The following MDGA2 variants were observed in gnomAD, a reference collection of about 807,000 sequenced individuals.
MDGA2 encodes the protein MAM domain containing glycosylphosphatidylinositol anchor 2, also known as MAM domain-containing glycosylphosphatidylinositol anchor protein 2.
MDGA2 carries 40 observed loss-of-function variants against 117.8 expected under a neutral mutation model. The observed-to-expected ratio is 0.34, with a 90% CI of 0.26 to 0.44. MDGA2 has a LOEUF of 0.44. MDGA2 is among the 20% of genes least tolerant of loss of function. The pLI is 1.00. For missense variants in MDGA2, 1,123 were observed against 1,250.6 expected (o/e 0.90, Z 1.54); for synonymous variants, 452 against 439.0 (o/e 1.03, Z -0.37).
intron 2 of MDGA2, among the ~76,000 whole-genome samples, chr14:47,262,091 CA>C (rs1475109788): frequency 6.6e-6 from 1 of 152,126 alleles, no homozygotes; most frequent in Non-Finnish European, 1.5e-5. Context: ...ATTTCAACTA[CA>C]AAACCAGGCT....
chr14:47,104,062 G>A (rs1471783519), intron 5 of MDGA2, among the ~76,000 whole-genome samples: 1 of 152,176 alleles, frequency 6.6e-6, no homozygotes, highest in African/African-American at 2.4e-5. Context: ...CCTGTTCTCT[G>A]AAGTCATATG....
intron 2 of MDGA2, among the ~76,000 whole-genome samples, chr14:47,275,895 C>T (rs1447369877): frequency 6.6e-6 from 1 of 152,120 alleles, no homozygotes; most frequent in African/African-American, 2.4e-5. Flanking sequence ...TCCTGTTCTT[C>T]CCTGCATTAA....
In MDGA2 at chr14:46,840,094, C is replaced by A. The variant is rs1313187339; in HGVS notation, c.*1837G>T. On this transcript the variant is annotated 3_prime_UTR_variant, in exon 17 of 17. Coordinates refer to ENST00000399232, the MANE Select transcript of MDGA2 (RefSeq NM_001113498.3). ...ACAAACACACATACTGCTTGTCATA[C>A]CTTACCTGGAAAGAGGCTTTATTGA... The A allele has an allele frequency of 1.3e-5, 2 of 152,312 alleles. No individual in the cohort carries two copies. Among genetic ancestry groups the A allele is most frequent in the Admixed American group, 6.6e-5 (1 of 15,218 alleles). 9.4% of individuals were successfully genotyped at this position (152,312 alleles called of 1,614,324 possible).
At chr14:47,584,128 A>G (rs1312086651) in intron 1 of MDGA2, among the ~76,000 whole-genome samples, 1 of 151,858 alleles carries the variant, frequency 6.6e-6, no homozygotes, top group Non-Finnish European at 1.5e-5. Context: ...AAAACGCTTT[A>G]ATTTTTAATT....
chr14:46,932,429 A>G (rs1020900134), intron 9 of MDGA2, among the ~76,000 whole-genome samples: 5 of 152,132 alleles, frequency 3.3e-5, no homozygotes, highest in African/African-American at 1.2e-4. Context: ...ATAAAAATAT[A>G]TACTTGAAAA....
intron 8 of MDGA2, among the ~76,000 whole-genome samples, chr14:47,031,830 G>A (rs924239969): frequency 3.9e-5 from 6 of 152,270 alleles, no homozygotes; most frequent in African/African-American, 1.4e-4. Flanking sequence ...CTCTGGCCAT[G>A]TGATGTGCAA....
At chr14:47,090,385 A>C (rs1046139300) in intron 6 of MDGA2, among the ~76,000 whole-genome samples, 72 of 101,512 alleles carry the variant, frequency 7.1e-4, no homozygotes, top group Admixed American at 3.2e-3. Context: ...CCTATCCACA[A>C]AAAAAAAATG....
chr14:47,462,620 C>G (rs1221942887), intron 1 of MDGA2, among the ~76,000 whole-genome samples: 2 of 152,130 alleles, frequency 1.3e-5, no homozygotes, highest in African/African-American at 4.8e-5. Flanking sequence ...CAACTTCCAC[C>G]TAAGAGTCGC....
chr14:47,617,244 C>T lies in MDGA2; in HGVS notation c.280+57273G>A, dbSNP rs1299952818. On this transcript the variant is annotated intron_variant, in intron 1 of 16. Transcript: ENST00000399232. Reference sequence around the variant, plus strand: ...TTTTTGAGACGGAGGCTCGCTCTGTCGCCTAGGCTGGAGTGCAGTGGCCCA... The same window carrying T: ...TTTTTGAGACGGAGGCTCGCTCTGTTGCCTAGGCTGGAGTGCAGTGGCCCA... Among the ~76,000 whole-genome samples the T allele has an allele frequency of 4.0e-5, 6 of 150,484 alleles. No homozygotes were observed. The Middle Eastern group carries it at 0.017, about 435-fold the overall frequency.
At chr14:47,020,593 GA>G (rs11343050) in intron 8 of MDGA2, among the ~76,000 whole-genome samples, 47,519 of 151,914 alleles carry the variant, frequency 0.31, 8,290 homozygotes, top group East Asian at 0.59. Flanking sequence ...AGAGGAAAGA[GA>G]GAGAAAAACT....
At chr14:46,990,918 C>A (rs1246708003) in intron 8 of MDGA2, among the ~76,000 whole-genome samples, 1 of 149,502 alleles carries the variant, frequency 6.7e-6, no homozygotes, top group Non-Finnish European at 1.5e-5. Context: ...TAAGACACAG[C>A]TAGAAAATAC....
chr14:47,242,574 A>G (rs1158419538), intron 2 of MDGA2, among the ~76,000 whole-genome samples: 7 of 151,680 alleles, frequency 4.6e-5, no homozygotes, highest in Admixed American at 6.6e-5. Flanking sequence ...GCAATGGGGG[A>G]CTTAGCACCC....
rs575545721 is a variant in MDGA2 at position 47,572,292 on chromosome 14, G to A, written c.280+102225C>T. The stretch of plus-strand genomic sequence containing the variant: ...GCTCTCTTATTACTTTATAAAAGCC[G>A]CTTGTATATTTTTAATGTCCCCACA... On this transcript the variant is annotated intron_variant, in intron 1 of 16. Transcript: ENST00000399232. 5.9e-5 allele frequency among the ~76,000 whole-genome samples: 9 copies of A among 152,190 alleles called. No individual in the cohort carries two copies. The East Asian group carries it at 1.2e-3, about 20-fold the overall frequency.
intron 1 of MDGA2, among the ~76,000 whole-genome samples, chr14:47,319,806 A>T (rs750654242): frequency 2.0e-5 from 3 of 152,168 alleles, no homozygotes; most frequent in Non-Finnish European, 4.4e-5. Flanking sequence ...TATAGATGGA[A>T]TGTGTTCCCC....
chr14:46,995,536 A>G (rs1432379001), intron 8 of MDGA2, among the ~76,000 whole-genome samples: 1 of 152,156 alleles, frequency 6.6e-6, no homozygotes, highest in South Asian at 2.1e-4. Flanking sequence ...AATGTGTTTA[A>G]ACTATTTCAT....
At chr14:47,669,454 T>C (rs779164588) in intron 1 of MDGA2, among the ~76,000 whole-genome samples, 7 of 152,190 alleles carry the variant, frequency 4.6e-5, no homozygotes, top group Non-Finnish European at 8.8e-5. Flanking sequence ...AAAATACTTA[T>C]TAATCCACTT....
At chr14:47,043,312 A>C (rs1227700333) in intron 7 of MDGA2, among the ~76,000 whole-genome samples, 1 of 152,126 alleles carries the variant, frequency 6.6e-6, no homozygotes, top group Non-Finnish European at 1.5e-5. Flanking sequence ...TAAAGGAATA[A>C]AGGTTGCTAT....
chr14:47,174,255 C>A (rs988398739), intron 3 of MDGA2, among the ~76,000 whole-genome samples: 4 of 152,116 alleles, frequency 2.6e-5, no homozygotes, highest in African/African-American at 9.7e-5. Flanking sequence ...AGAAAGTTAA[C>A]AAGGATACCC....
intron 5 of MDGA2, among the ~76,000 whole-genome samples, chr14:47,124,148 G>T (rs1224162516): frequency 6.6e-6 from 1 of 151,944 alleles, no homozygotes; most frequent in East Asian, 1.9e-4. Flanking sequence ...CGCATGAAAG[G>T]TGAAAAGTCC....
Sources: gnomAD v4.1 joint callset for allele counts (sites outside exome capture counted in the v4.1 genomes callset) on GRCh38, gnomAD v4.1.1 for gene constraint, MANE v1.5 for transcripts, NCBI Gene and HGNC (gene_info 2026-07-23, HGNC 2026-07-21) for gene names.